LRRC7: variants seen among roughly 807,000 people sequenced by gnomAD.
The protein encoded by LRRC7 is leucine rich repeat containing 7.
LRRC7 carries 23 observed loss-of-function variants against 175.7 expected under a neutral mutation model. That is an observed-to-expected ratio of 0.13 (90% CI 0.09 to 0.19). LRRC7 has a LOEUF of 0.19. LRRC7 is among the 10% of genes least tolerant of loss of function. The probability of loss-of-function intolerance (pLI) is 1.00; values close to 1 mark genes in which losing one functional copy is unlikely to be tolerated. For missense variants in LRRC7, 1,354 were observed against 1,904.7 expected, an observed-to-expected ratio of 0.71 and a Z score of 5.38; for synonymous variants, 685 against 680.9, an observed-to-expected ratio of 1.01 and a Z score of -0.09.
At chr1:69,768,381 T>A (rs1292223102) in intron 3 of LRRC7, among the ~76,000 whole-genome samples, 2 of 152,166 alleles carry the variant, frequency 1.3e-5, no homozygotes, top group African/African-American at 4.8e-5. Context: ...TTCCTTCAGA[T>A]CTCTGCTCAA....
intron 23 of LRRC7, among the ~76,000 whole-genome samples, chr1:70,058,755 C>T (rs1034755007): frequency 1.3e-5 from 2 of 152,074 alleles, no homozygotes; most frequent in African/African-American, 4.8e-5. Flanking sequence ...TTTATATTTC[C>T]CTCCTATATG....
chr1:69,848,408 C>T (rs949010869), intron 7 of LRRC7, among the ~76,000 whole-genome samples: 2 of 152,040 alleles, frequency 1.3e-5, no homozygotes, highest in Non-Finnish European at 2.9e-5. Flanking sequence ...ACCAGGCTCT[C>T]TTCTATGATA....
At chr1:70,069,041 A>G (rs557327338) in intron 23 of LRRC7, among the ~76,000 whole-genome samples, 2 of 152,256 alleles carry the variant, frequency 1.3e-5, no homozygotes, top group East Asian at 3.9e-4. Flanking sequence ...TGATAGTTGT[A>G]GGGCTGTTCA....
chr1:70,079,357 G>A (rs1663045617), intron 24 of LRRC7, among the ~76,000 whole-genome samples: 1 of 152,076 alleles, frequency 6.6e-6, no homozygotes, highest in Non-Finnish European at 1.5e-5. Context: ...GAAAAGCAAA[G>A]TTCAACTTAA....
intron 1 of LRRC7, among the ~76,000 whole-genome samples, chr1:69,639,094 A>G (rs1196953142): frequency 6.6e-6 from 1 of 151,832 alleles, no homozygotes; most frequent in Non-Finnish European, 1.5e-5. Context: ...AGGAAAACTG[A>G]TGGTCCAAAC....
chr1:69,908,150 CT>C (rs1350009364), intron 7 of LRRC7, among the ~76,000 whole-genome samples: 7 of 152,116 alleles, frequency 4.6e-5, no homozygotes, highest in African/African-American at 7.2e-5. Flanking sequence ...ATTCTTCTCT[CT>C]TTTTTTCTTT....
chr1:70,099,794 C>T (rs1283334366), intron 25 of LRRC7, among the ~76,000 whole-genome samples: 2 of 152,050 alleles, frequency 1.3e-5, no homozygotes, highest in Non-Finnish European at 1.5e-5. Context: ...AGAGAAAAAG[C>T]CATTAGGGAC....
intron 7 of LRRC7, among the ~76,000 whole-genome samples, chr1:69,925,616 A>G (rs1317150644): frequency 2.6e-5 from 4 of 152,088 alleles, no homozygotes; most frequent in African/African-American, 7.2e-5. Context: ...CTCTGATGGT[A>G]GTTTGTATTT....
chr1:69,872,045 AT>A (rs1685602951), intron 7 of LRRC7, among the ~76,000 whole-genome samples: 2 of 152,080 alleles, frequency 1.3e-5, no homozygotes, highest in Non-Finnish European at 2.9e-5. Flanking sequence ...TTATATTTTC[AT>A]TTTTTAATGG....
chr1:69,839,070 A>G (rs1451127901), intron 7 of LRRC7: 1 of 301,104 alleles, frequency 3.3e-6, no homozygotes, highest in Non-Finnish European at 6.7e-6. Context: ...AAAAATATTG[A>G]GTACAGTGAA....
intron 7 of LRRC7, among the ~76,000 whole-genome samples, chr1:69,886,669 G>T (rs1645632061): frequency 6.8e-6 from 1 of 146,970 alleles, no homozygotes; most frequent in South Asian, 2.2e-4. Context: ...TATGATGTTA[G>T]CTGGTGATTT....
At chr1:70,045,642 A>G (rs1324521293) in intron 22 of LRRC7, among the ~76,000 whole-genome samples, 1 of 152,200 alleles carries the variant, frequency 6.6e-6, no homozygotes, top group African/African-American at 2.4e-5. Context: ...ATTAAATAGA[A>G]ATCAAACCTT....
chr1:69,854,266 G>A (rs1242206576), intron 7 of LRRC7, among the ~76,000 whole-genome samples: 1 of 152,126 alleles, frequency 6.6e-6, no homozygotes, highest in Non-Finnish European at 1.5e-5. Context: ...GGGAGGCTGA[G>A]GTGGGAAGAT....
At chr1:69,855,225 C>G (rs1683458901) in intron 7 of LRRC7, among the ~76,000 whole-genome samples, 1 of 152,056 alleles carries the variant, frequency 6.6e-6, no homozygotes, top group Admixed American at 6.6e-5. Context: ...GTTAGGGTGT[C>G]CATTTTAGAT....
In LRRC7 at chr1:69,996,134, T is replaced by C. The variant is rs572398375; in HGVS notation, c.1004+1501T>C. On this transcript the variant is annotated intron_variant, in intron 11 of 26. Coordinates refer to ENST00000651989, the MANE Select transcript of LRRC7 (RefSeq NM_001370785.2). ...GATGGTATCTCATTGTGGTTTTGAT[T>C]TGCATTTCTCTGATGGCCAGTGATG... is the stretch of plus-strand genomic sequence containing the variant. Among the ~76,000 whole-genome samples, 42 of 151,744 alleles carry C rather than the reference T, an allele frequency of 2.8e-4. No homozygotes were observed. The East Asian group carries it at 7.7e-3, about 28-fold the overall frequency.
chr1:69,923,252 A>G (rs1646950478), intron 7 of LRRC7, among the ~76,000 whole-genome samples: 1 of 152,218 alleles, frequency 6.6e-6, no homozygotes, highest in East Asian at 1.9e-4. Context: ...AGTCTTTGCT[A>G]TTGTGAATAG....
At chr1:69,919,423 T>A in intron 7 of LRRC7, 1 of 867,336 alleles carries the variant, frequency 1.2e-6, no homozygotes, top group Admixed American at 2.2e-5. Context: ...AGGCCGAGGG[T>A]ACTACTTCAA....
intron 13 of LRRC7, 66 bp from the exon 14 acceptor site, chr1:70,016,399 A>G: frequency 8.5e-7 from 1 of 1,170,478 alleles, no homozygotes; most frequent in African/African-American, 1.6e-5. Flanking sequence ...AGTATTTTAA[A>G]TAATTCTTAG....
intron 23 of LRRC7, among the ~76,000 whole-genome samples, chr1:70,055,972 A>G (rs1661120312): frequency 6.6e-6 from 1 of 152,218 alleles, no homozygotes; most frequent in South Asian, 2.1e-4. Flanking sequence ...CCAAGCTTCT[A>G]ATGTGGTCAA....
Sources: allele counts gnomAD v4.1 joint callset (sites outside exome capture counted in the v4.1 genomes callset), GRCh38; gene constraint gnomAD v4.1.1; transcripts MANE v1.5; gene names NCBI Gene and HGNC (gene_info 2026-07-23, HGNC 2026-07-21).